ZCCHC24: variants seen among roughly 807,000 people sequenced by gnomAD.
The protein encoded by ZCCHC24 is zinc finger CCHC-type containing 24, also known as zinc finger CCHC domain-containing protein 24.
ZCCHC24 carries 10 observed loss-of-function variants against 26.2 expected under a neutral mutation model. That is an observed-to-expected ratio of 0.38 (90% CI 0.24 to 0.65). The LOEUF (loss-of-function observed/expected upper bound fraction) is 0.65, where lower values mean the gene tolerates loss of function less well. ZCCHC24 is among the 30% of genes least tolerant of loss of function. The pLI is 0.54. For missense variants in ZCCHC24, 243 were observed against 329.1 expected (o/e 0.74, Z 2.03); for synonymous variants, 144 against 147.1 (o/e 0.98, Z 0.15).
At chr10:79,386,532 G>A in intron 3 of ZCCHC24, 74 bp from the exon 4 acceptor site, 1 of 1,155,298 alleles carries the variant, frequency 8.7e-7, no homozygotes, top group East Asian at 2.5e-5. Context: ...CAGACAGGGA[G>A]AGACACACAG....
chr10:79,441,117 C>CACACA (rs1589682075), intron 1 of ZCCHC24, among the ~76,000 whole-genome samples: 3 of 147,914 alleles, frequency 2.0e-5, no homozygotes, highest in African/African-American at 2.6e-5. Flanking sequence ...CACACACACA[C>CACACA]CACAAAGGCT....
chr10:79,431,486 C>A (rs1419543272), intron 2 of ZCCHC24, among the ~76,000 whole-genome samples: 5 of 152,232 alleles, frequency 3.3e-5, no homozygotes, highest in Non-Finnish European at 5.9e-5. Flanking sequence ...TGCTAAGATG[C>A]TGCTCTGAGA....
At chr10:79,394,812 C>G (rs1214798204) in intron 2 of ZCCHC24, among the ~76,000 whole-genome samples, 1 of 152,186 alleles carries the variant, frequency 6.6e-6, no homozygotes, top group African/African-American at 2.4e-5. Context: ...CAGCAGTGTG[C>G]TTTAAAGGGT....
chr10:79,399,753 A>T (rs1419591700), intron 2 of ZCCHC24, among the ~76,000 whole-genome samples: 1 of 152,162 alleles, frequency 6.6e-6, no homozygotes, highest in African/African-American at 2.4e-5. Context: ...GCAGCGCTGC[A>T]GGGCGGGGAA....
chr10:79,401,993 C>T (rs1322078809), intron 2 of ZCCHC24, among the ~76,000 whole-genome samples: 1 of 152,204 alleles, frequency 6.6e-6, no homozygotes, highest in Non-Finnish European at 1.5e-5. Context: ...GAAAGACTTT[C>T]CACTGATGTA....
intron 2 of ZCCHC24, among the ~76,000 whole-genome samples, chr10:79,395,956 A>G (rs992898736): frequency 1.6e-4 from 25 of 152,156 alleles, no homozygotes; most frequent in African/African-American, 5.8e-4. Context: ...ATTTTTATTG[A>G]CCCCCCAAAA....
chr10:79,391,311 T>A (rs754367457), intron 3 of ZCCHC24, among the ~76,000 whole-genome samples: 1 of 151,916 alleles, frequency 6.6e-6, no homozygotes, highest in Non-Finnish European at 1.5e-5. Context: ...AGGATGGAGA[T>A]GGCGAGGCAG....
intron 2 of ZCCHC24, among the ~76,000 whole-genome samples, chr10:79,411,639 C>T (rs901808224): frequency 4.6e-5 from 7 of 152,210 alleles, no homozygotes; most frequent in Admixed American, 1.3e-4. Flanking sequence ...ACGGGTGCCC[C>T]ACTTTCCAGA....
Position 79,385,219 on chromosome 10 carries a change from AC to A in ZCCHC24, c.*1125del, listed in dbSNP as rs1856372529. On this transcript the variant is annotated 3_prime_UTR_variant, in exon 4 of 4. Coordinates refer to ENST00000372336, the MANE Select transcript of ZCCHC24 (RefSeq NM_153367.4). The surrounding 1 kb of genome is among the most constrained non-coding windows in gnomAD (Gnocchi z 4.3). ...ATCCCTCAGCTTGACTTCCTAAGACACCAAGTGAAGGGTCACGATGCGGGGT... is the reference window on the plus strand; with the variant it reads ...ATCCCTCAGCTTGACTTCCTAAGACACAAGTGAAGGGTCACGATGCGGGGT... The A allele has an allele frequency of 6.6e-6, 1 of 152,224 alleles. No homozygotes were observed. Among genetic ancestry groups the A allele is most frequent in the African/African-American group, 2.4e-5 (1 of 41,394 alleles). The allele number at this position is 152,224 out of a possible 1,614,324, so 9.4% of individuals were successfully genotyped here. A position where few individuals can be genotyped will look rare whatever the true frequency, so the allele number is the denominator to read the frequency against.
intron 2 of ZCCHC24, among the ~76,000 whole-genome samples, chr10:79,404,021 C>T (rs767959052): frequency 2.0e-5 from 3 of 151,544 alleles, no homozygotes; most frequent in Middle Eastern, 3.2e-3. Context: ...AGAGAGCGCC[C>T]GTCAGAGCAG....
rs180756176 is a variant in ZCCHC24 at position 79,438,607 on chromosome 10, T to C, written c.247-5849A>G. ...CACCCAGGACTCCAGAGGGCACCACTGCCTCCTGGAGGCCCATTCACCCAG... is the reference window on the plus strand; with the variant it reads ...CACCCAGGACTCCAGAGGGCACCACCGCCTCCTGGAGGCCCATTCACCCAG... On this transcript the variant is annotated intron_variant, in intron 1 of 3. Transcript: ENST00000372336. Among the ~76,000 whole-genome samples, 53 of 152,346 alleles carry C rather than the reference T, an allele frequency of 3.5e-4. 1 individual carries two copies. In the East Asian group the frequency reaches 9.6e-3, roughly 28 times the overall value.
chr10:79,390,967 G>C (rs935700175), intron 3 of ZCCHC24, among the ~76,000 whole-genome samples: 9 of 152,180 alleles, frequency 5.9e-5, no homozygotes, highest in Non-Finnish European at 1.3e-4. Flanking sequence ...GACAGCTGGG[G>C]GATAGAGAGG....
chr10:79,435,170 C>G (rs1010653048), intron 1 of ZCCHC24, among the ~76,000 whole-genome samples: 1 of 152,176 alleles, frequency 6.6e-6, no homozygotes, highest in Admixed American at 6.5e-5. Context: ...AATAACAACC[C>G]TCTTAATATT....
chr10:79,396,143 T>C (rs1347265970), intron 2 of ZCCHC24, among the ~76,000 whole-genome samples: 1 of 152,256 alleles, frequency 6.6e-6, no homozygotes, highest in Non-Finnish European at 1.5e-5. Context: ...CTTAGTGTCA[T>C]GTTTTCAAGG....
At chr10:79,431,499 C>T (rs1373352816) in intron 2 of ZCCHC24, among the ~76,000 whole-genome samples, 3 of 152,174 alleles carry the variant, frequency 2.0e-5, no homozygotes, top group Non-Finnish European at 2.9e-5. Flanking sequence ...CTCTGAGAGC[C>T]TGCAATTGTA....
chr10:79,438,286 A>G (rs1027304768), intron 1 of ZCCHC24, among the ~76,000 whole-genome samples: 1 of 152,132 alleles, frequency 6.6e-6, no homozygotes, highest in Non-Finnish European at 1.5e-5. Flanking sequence ...CATCTCGCAA[A>G]TGAATCCACC....
Position 79,414,509 on chromosome 10 carries a change from A to T in ZCCHC24, c.447+18049T>A, listed in dbSNP as rs1327897582. ...CTCAGAATAATAAAGCTGCAGTCAC[A>T]TGACCTAGGGAATCTGAGGTTGAAC... On this transcript the variant is annotated intron_variant, in intron 2 of 3. Coordinates refer to ENST00000372336, the MANE Select transcript of ZCCHC24 (RefSeq NM_153367.4). Among the ~76,000 whole-genome samples the T allele has an allele frequency of 2.0e-5, 3 of 152,218 alleles. No individual in the cohort carries two copies. The East Asian group carries it at 5.8e-4, about 29-fold the overall frequency.
intron 2 of ZCCHC24, among the ~76,000 whole-genome samples, chr10:79,400,515 C>T (rs1856615098): frequency 6.6e-6 from 1 of 152,250 alleles, no homozygotes; most frequent in Admixed American, 6.5e-5. Context: ...GCCACAAGGG[C>T]TGAGAGACAG....
At chr10:79,387,156 G>A (rs1394941614) in intron 3 of ZCCHC24, among the ~76,000 whole-genome samples, 2 of 152,126 alleles carry the variant, frequency 1.3e-5, no homozygotes, top group Admixed American at 1.3e-4. Flanking sequence ...CTGCATGAAT[G>A]AAACCTCAGT....
Sources: gnomAD v4.1 joint callset for allele counts (sites outside exome capture counted in the v4.1 genomes callset) on GRCh38, gnomAD v4.1.1 for gene constraint, Gnocchi (gnomAD v3.1) non-coding constraint, MANE v1.5 for transcripts, NCBI Gene and HGNC (gene_info 2026-07-23, HGNC 2026-07-21) for gene names.